The following NFIA variants were observed in gnomAD, a reference collection of about 807,000 sequenced individuals.
The protein encoded by NFIA is nuclear factor 1 A-type.
A neutral mutation model predicts 62.8 loss-of-function variants in NFIA; 8 were observed. That is an observed-to-expected ratio of 0.13 (90% confidence interval 0.07 to 0.23). The LOEUF is 0.23. Ranked by LOEUF, NFIA falls within the 10% of genes least tolerant of loss-of-function variation. The pLI is 1.00. For synonymous variants in NFIA, 235 were observed against 238.1 expected (o/e 0.99, Z 0.12); for missense variants, 410 against 642.1 (o/e 0.64, Z 3.91).
chr1:61,343,178 ATATT>A (rs1163303118), intron 4 of NFIA, among the ~76,000 whole-genome samples: 1 of 152,240 alleles, frequency 6.6e-6, no homozygotes, highest in Non-Finnish European at 1.5e-5. Context: ...TACAGGGTAT[ATATT>A]TAAGTTTCTT....
intron 7 of NFIA, among the ~76,000 whole-genome samples, chr1:61,390,538 A>G (rs1664920902): frequency 6.6e-6 from 1 of 152,190 alleles, no homozygotes; most frequent in Non-Finnish European, 1.5e-5. Context: ...TGGCCCAAAT[A>G]GGGATCTTGC....
intron 3 of NFIA, among the ~76,000 whole-genome samples, chr1:61,291,631 C>G (rs1457011118): frequency 2.0e-5 from 3 of 152,170 alleles, no homozygotes; most frequent in Non-Finnish European, 4.4e-5. Flanking sequence ...TGAGTGCCTG[C>G]TTCATCTTTC....
chr1:61,204,450 G>A (rs1426653336), intron 2 of NFIA, among the ~76,000 whole-genome samples: 2 of 152,198 alleles, frequency 1.3e-5, no homozygotes, highest in Non-Finnish European at 2.9e-5. Context: ...AGTACCTAAT[G>A]TGAGATGCAG....
rs937710995 is a variant in NFIA, at chr1:61,082,579, A to G, written c.-213A>G. On this transcript the variant is annotated 5_prime_UTR_variant, in exon 1 of 11. It removes an upstream start codon present in the reference 5' UTR. Transcript: ENST00000403491. ...TCTAGGCGGGGTTAAAGTTCAGCTC[A>G]TGGAGCGGCAATAGCGCTGGCTGGC... is the stretch of plus-strand genomic sequence containing the variant. 25 of 1,472,932 alleles carry G rather than the reference A, an allele frequency of 1.7e-5. No homozygotes were observed. The highest frequency in any genetic ancestry group is 2.3e-4 in the Middle Eastern group (1 of 4,300). The allele number at this position is 1,472,932 out of a possible 1,614,324, so 91.2% of individuals were successfully genotyped here.
intron 2 of NFIA, among the ~76,000 whole-genome samples, chr1:61,123,643 T>C (rs1309278169): frequency 1.3e-5 from 2 of 152,222 alleles, no homozygotes; most frequent in Admixed American, 1.3e-4. Flanking sequence ...CTTCCTCTTA[T>C]GACTCTGAAA....
chr1:61,159,104 T>C (rs931289908), intron 2 of NFIA, among the ~76,000 whole-genome samples: 1 of 152,158 alleles, frequency 6.6e-6, no homozygotes, highest in Admixed American at 6.5e-5. Context: ...TAGGGGTCTA[T>C]ACATCAGTCA....
At chr1:61,413,680 G>A (rs145268142) in intron 9 of NFIA, among the ~76,000 whole-genome samples, 1 of 143,586 alleles carries the variant, frequency 7.0e-6, no homozygotes, top group Non-Finnish European at 1.5e-5. Context: ...AGGCTGGAGT[G>A]CAGTGGCATT....
At chr1:61,264,414 C>T (rs1338002983) in intron 2 of NFIA, among the ~76,000 whole-genome samples, 2 of 151,928 alleles carry the variant, frequency 1.3e-5, no homozygotes, top group Non-Finnish European at 2.9e-5. Flanking sequence ...GAGGCTGAGG[C>T]GGGTGGATTG....
chr1:61,444,838 ATATT>A (rs1040317010), intron 10 of NFIA, among the ~76,000 whole-genome samples: 10 of 152,172 alleles, frequency 6.6e-5, no homozygotes, highest in Admixed American at 2.0e-4. Context: ...TAACAAGAGG[ATATT>A]TAAAGAGCCT....
chr1:61,171,189 A>T (rs1467630828), intron 2 of NFIA, among the ~76,000 whole-genome samples: 1 of 152,212 alleles, frequency 6.6e-6, no homozygotes, highest in East Asian at 1.9e-4. Flanking sequence ...ATTCTCTGAA[A>T]CCATTAAATA....
intron 2 of NFIA, among the ~76,000 whole-genome samples, chr1:61,232,674 T>G (rs1654751525): frequency 6.6e-6 from 1 of 152,224 alleles, no homozygotes; most frequent in Admixed American, 6.5e-5. Context: ...ACAGAGATTT[T>G]TTTAAAAAAC....
intron 7 of NFIA, 97 bp downstream of exon 7, chr1:61,383,462 C>G: frequency 1.4e-6 from 2 of 1,453,138 alleles, no homozygotes; most frequent in Admixed American, 1.9e-5. Flanking sequence ...CCTGAACACT[C>G]GTGAGGCAGT....
chr1:61,077,393 TGA>T, upstream of NFIA: 1 of 393,402 alleles, frequency 2.5e-6, no homozygotes. Flanking sequence ...AGCGAGACAG[TGA>T]GAGAGGGAGA....
At chr1:61,211,824 G>C (rs1381661653) in intron 2 of NFIA, among the ~76,000 whole-genome samples, 2 of 152,058 alleles carry the variant, frequency 1.3e-5, no homozygotes, top group Non-Finnish European at 2.9e-5. Context: ...CAGCCCCCAA[G>C]TAGCTGGGAC....
At chr1:61,355,476 C>T (rs1662889869) in intron 5 of NFIA, among the ~76,000 whole-genome samples, 1 of 152,164 alleles carries the variant, frequency 6.6e-6, no homozygotes, top group Non-Finnish European at 1.5e-5. Context: ...AACCAGCTGT[C>T]AAAAGTTTGT....
chr1:61,387,395 A>C lies in NFIA; in HGVS notation c.1075+4030A>C, dbSNP rs369152911. Among the ~76,000 whole-genome samples, 8 of 152,122 alleles carry C rather than the reference A, an allele frequency of 5.3e-5. No homozygotes were observed. In the East Asian group the frequency reaches 1.5e-3, roughly 29 times the overall value. On this transcript the variant is annotated intron_variant, in intron 7 of 10. Coordinates refer to ENST00000403491, the MANE Select transcript of NFIA (RefSeq NM_001134673.4). ...ATAATCCTTTTTCACCCAGGCTTTGAAAGTATCATGCTGTCCCTATTGCCT... is the reference window on the plus strand; with the variant it reads ...ATAATCCTTTTTCACCCAGGCTTTGCAAGTATCATGCTGTCCCTATTGCCT...
rs193171901 is a variant in NFIA, at chr1:61,385,109, G to A, written c.1075+1744G>A. ...AAATTAGCCAGGTGTGGTGGCACAT[G>A]CCTGTAAATCCCAGCTACCTGTGAG... On this transcript the variant is annotated intron_variant, in intron 7 of 10. Coordinates refer to ENST00000403491, the MANE Select transcript of NFIA (RefSeq NM_001134673.4). Among the ~76,000 whole-genome samples the A allele has an allele frequency of 3.4e-4, 52 of 152,194 alleles. 1 individual carries two copies. The highest frequency in any genetic ancestry group is 3.7e-4 in the Non-Finnish European group (25 of 68,004).
At position 61,403,928 on chromosome 1, in the gene NFIA, T is replaced by C. The variant is rs1665690835; in HGVS notation, c.1076-176T>C. ...CTCTACCCTAATCTAACCTCCGTGTTTGTCTTAGAGCCTTAAGGAAGAAAA... is the reference window on the plus strand; with the variant it reads ...CTCTACCCTAATCTAACCTCCGTGTCTGTCTTAGAGCCTTAAGGAAGAAAA... On this transcript the variant is annotated intron_variant, in intron 7 of 10. Transcript: ENST00000403491. 4.8e-6 allele frequency: 3 copies of C among 625,944 alleles called. No individual in the cohort carries two copies. The South Asian group carries it at 8.9e-5, about 18-fold the overall frequency. The allele number at this position is 625,944 out of a possible 1,614,324, so 38.8% of individuals were successfully genotyped here.
intron 5 of NFIA, among the ~76,000 whole-genome samples, chr1:61,355,385 A>G (rs1443187699): frequency 6.6e-6 from 1 of 152,152 alleles, no homozygotes; most frequent in Non-Finnish European, 1.5e-5. Context: ...CTTCAGGGTA[A>G]ACATCTTCAA....
Sources: allele counts gnomAD v4.1 joint callset (sites outside exome capture counted in the v4.1 genomes callset), GRCh38; gene constraint gnomAD v4.1.1; transcripts MANE v1.5; gene names NCBI Gene and HGNC (gene_info 2026-07-23, HGNC 2026-07-21).